ARHGAP29: variants seen among roughly 807,000 people sequenced by gnomAD.
The protein encoded by ARHGAP29 is Rho GTPase activating protein 29.
Under a neutral mutation model 122.6 loss-of-function variants are expected in ARHGAP29, and 43 were observed. That is an observed-to-expected ratio of 0.35 (90% CI 0.27 to 0.45). The LOEUF (loss-of-function observed/expected upper bound fraction) is 0.45, where lower values mean the gene tolerates loss of function less well. Among genes scored for constraint, ARHGAP29 ranks in the 20% least tolerant of loss-of-function variants. The pLI is 1.00. For missense variants in ARHGAP29, 1,303 were observed against 1,477.2 expected, an observed-to-expected ratio of 0.88 and a Z score of 1.93; for synonymous variants, 506 against 497.1, an observed-to-expected ratio of 1.02 and a Z score of -0.24.
the ARHGAP29 span, among the ~76,000 whole-genome samples, chr1:94,306,897 T>G: frequency 2.6e-5 from 4 of 152,228 alleles, no homozygotes; most frequent in Admixed American, 6.5e-5. Flanking sequence ...ATAAATTATT[T>G]ATACAATATG....
At chr1:94,308,622 T>C in the ARHGAP29 span, among the ~76,000 whole-genome samples, 1 of 152,214 alleles carries the variant, frequency 6.6e-6, no homozygotes. Context: ...TGGGGTTGCA[T>C]CTTGTGCACC....
upstream of ARHGAP29, among the ~76,000 whole-genome samples, chr1:94,280,041 A>G (rs1216799572): frequency 2.0e-5 from 3 of 151,912 alleles, no homozygotes; most frequent in African/African-American, 7.3e-5. Flanking sequence ...TTTTCCTGTG[A>G]TACAGTACTT....
chr1:94,293,190 A>G, the ARHGAP29 span, among the ~76,000 whole-genome samples: 1 of 152,172 alleles, frequency 6.6e-6, no homozygotes, highest in Non-Finnish European at 1.5e-5. Flanking sequence ...GCAATGGCAG[A>G]TTCCTCTCCC....
chr1:94,169,706 T>C lies in ARHGAP29; in HGVS notation c.*4163A>G, dbSNP rs75950560. ...CAGGTCTTCATTTCCATATACCATTTCCCATTTAAAGAAACCAGGGCTCCT... is the reference window on the plus strand; with the variant it reads ...CAGGTCTTCATTTCCATATACCATTCCCCATTTAAAGAAACCAGGGCTCCT... On this transcript the variant is annotated 3_prime_UTR_variant, in exon 23 of 23. Transcript: ENST00000260526. Among the ~76,000 whole-genome samples, 2,046 of 152,222 alleles carry C rather than the reference T, an allele frequency of 0.013. 48 individuals are homozygous for C. Among genetic ancestry groups the C allele is most frequent in the African/African-American group, 0.047 (1,947 of 41,516 alleles).
At chr1:94,270,326 G>T (rs1037649291) in intron 1 of ARHGAP29, among the ~76,000 whole-genome samples, 1 of 152,188 alleles carries the variant, frequency 6.6e-6, no homozygotes, top group Non-Finnish European at 1.5e-5. Context: ...TCATTAGGAA[G>T]CACAGAGTCT....
chr1:94,243,964 T>A (rs1321983778), intron 1 of ARHGAP29, among the ~76,000 whole-genome samples: 1 of 152,000 alleles, frequency 6.6e-6, no homozygotes, highest in Non-Finnish European at 1.5e-5. Context: ...CACAGATTAC[T>A]AACCCTGACA....
rs1648543664 is a variant in ARHGAP29 at position 94,168,950 on chromosome 1, T to C, written c.*4919A>G. 6.6e-6 allele frequency among the ~76,000 whole-genome samples: 1 copy of C among 152,192 alleles called. No homozygotes were observed. The highest frequency in any genetic ancestry group is 6.5e-5 in the Admixed American group (1 of 15,284). ...ATCTATTTTCTGAACTGCATGCTTA[T>C]TTTATGGATGCAGAGTAGATTGGTT... On this transcript the variant is annotated 3_prime_UTR_variant, in exon 23 of 23. Transcript: ENST00000260526.
At chr1:94,238,931 C>A (rs1653463480), upstream of ARHGAP29, among the ~76,000 whole-genome samples, 2 of 152,100 alleles carry the variant, frequency 1.3e-5, no homozygotes, top group Non-Finnish European at 2.9e-5. Flanking sequence ...GAAAATACAA[C>A]AAATTTGGCT....
At chr1:94,255,489 G>C (rs1033725120) in intron 1 of ARHGAP29, among the ~76,000 whole-genome samples, 33 of 152,178 alleles carry the variant, frequency 2.2e-4, no homozygotes, top group African/African-American at 8.0e-4. Flanking sequence ...CAGCACTGAT[G>C]GGTTCTAGTT....
At chr1:94,310,494 G>A in the ARHGAP29 span, among the ~76,000 whole-genome samples, 1 of 152,134 alleles carries the variant, frequency 6.6e-6, no homozygotes, top group Admixed American at 6.5e-5. Flanking sequence ...GACCACTAAA[G>A]GAACTGAGTA....
At chr1:94,218,531 C>A (rs564276041) in intron 3 of ARHGAP29, among the ~76,000 whole-genome samples, 1 of 152,316 alleles carries the variant, frequency 6.6e-6, no homozygotes, top group African/African-American at 2.4e-5. Context: ...ACAATAGCTA[C>A]TGACAACAAT....
At position 94,205,105 on chromosome 1, in the gene ARHGAP29, T is replaced by C. The variant is rs1021074591; in HGVS notation, c.653A>G (p.Tyr218Cys). 6.2e-7 allele frequency: 1 copy of C among 1,606,638 alleles called. No homozygotes were observed. Among genetic ancestry groups the C allele is most frequent in the African/African-American group, 1.3e-5 (1 of 74,504 alleles). Residue 218 changes from tyrosine (Y) to cysteine (C), a missense_variant, in exon 7 of 23, where the codon TAT (tyrosine) becomes TGT (cysteine). Tyr to Cys is a radical substitution (Grantham distance 194, BLOSUM62 -2). Transcript: ENST00000260526. ...AACCCATGAAACTATGTTCTTAGTATATTTTGACCAAGTTTTAGCATATGA... is the reference window on the plus strand; with the variant it reads ...AACCCATGAAACTATGTTCTTAGTACATTTTGACCAAGTTTTAGCATATGA... ...ALSYAKTWSKYTKNIVSWVEK... is the reference protein window; with the variant it reads ...ALSYAKTWSKCTKNIVSWVEK...
At chr1:94,210,136 T>G (rs375984989) in intron 3 of ARHGAP29, among the ~76,000 whole-genome samples, 1 of 152,212 alleles carries the variant, frequency 6.6e-6, no homozygotes, top group Non-Finnish European at 1.5e-5. Flanking sequence ...GAAAGTGGAA[T>G]TGGTAATTTT....
chr1:94,273,635 A>C (rs1348933852), intron 1 of ARHGAP29, among the ~76,000 whole-genome samples: 2 of 152,250 alleles, frequency 1.3e-5, no homozygotes, highest in Non-Finnish European at 2.9e-5. Flanking sequence ...GTCAAGTCCT[A>C]CTTCCGTCTA....
At chr1:94,223,807 CCTTT>C (rs1652462211) in intron 2 of ARHGAP29, among the ~76,000 whole-genome samples, 1 of 144,442 alleles carries the variant, frequency 6.9e-6, no homozygotes, top group South Asian at 2.2e-4. Context: ...TAAAACCTTC[CCTTT>C]TTTTTTTTCT....
Position 94,174,461 on chromosome 1 carries a change from A to G in ARHGAP29, c.3194T>C (p.Val1065Ala). The G allele has an allele frequency of 6.2e-7, 1 of 1,614,192 alleles. No individual in the cohort carries two copies. The highest frequency in any genetic ancestry group is 8.5e-7 in the Non-Finnish European group (1 of 1,180,038). The change falls in exon 23 of 23, where the codon GTT (valine) becomes GCT (alanine). Residue 1065 changes from valine to alanine, a missense_variant. This residue lies in a region of ARHGAP29 where 620 missense variants were observed against 651.2 expected (regional missense o/e 0.95). Transcript: ENST00000260526. ...GTCAAAGCCATTAAATTTGGAACAA[A>G]CAGTAGTAGCAGCGTCTTTTCTATT... ...GVNRKDAATT[V>A]CSKFNGFDQQ...
At chr1:94,303,812 C>T in the ARHGAP29 span, among the ~76,000 whole-genome samples, 33,245 of 152,184 alleles carry the variant, frequency 0.22, 4,760 homozygotes, top group Middle Eastern at 0.37. Flanking sequence ...AGACCAGACT[C>T]AAACCCACTG....
chr1:94,291,026 T>C, the ARHGAP29 span, among the ~76,000 whole-genome samples: 1 of 152,184 alleles, frequency 6.6e-6, no homozygotes, highest in African/African-American at 2.4e-5. Context: ...GGTGTTAAAG[T>C]CTCCCATTAT....
chr1:94,180,367 G>T (rs1415652470), intron 19 of ARHGAP29, among the ~76,000 whole-genome samples: 2 of 152,166 alleles, frequency 1.3e-5, no homozygotes, highest in Non-Finnish European at 2.9e-5. Context: ...GAATTTTCTT[G>T]ATATGAGAGA....
Sources: gnomAD v4.1 joint callset for allele counts (sites outside exome capture counted in the v4.1 genomes callset) on GRCh38, gnomAD v4.1.1 for gene constraint, gnomAD v4.1.1 regional missense constraint, MANE v1.5 for transcripts, NCBI Gene and HGNC (gene_info 2026-07-23, HGNC 2026-07-21) for gene names.